Variants in NEGR1 observed in about 807,000 individuals in gnomAD.
The protein encoded by NEGR1 is neuronal growth regulator 1, also known as IgLON family member 4.
In NEGR1, 10 loss-of-function variants were observed where a neutral mutation model predicts 40.9. The observed-to-expected ratio is 0.24, with a 90% CI of 0.15 to 0.42. The LOEUF (loss-of-function observed/expected upper bound fraction) is 0.42. NEGR1 is among the 10% of genes least tolerant of loss of function. NEGR1 has a pLI of 1.00. For missense variants in NEGR1, 352 were observed against 438.9 expected (o/e 0.80, Z 1.77); for synonymous variants, 185 against 166.8 (o/e 1.11, Z -0.84).
At chr1:72,057,751 G>C (rs1277506760) in intron 1 of NEGR1, among the ~76,000 whole-genome samples, 3 of 151,442 alleles carry the variant, frequency 2.0e-5, no homozygotes, top group Non-Finnish European at 4.4e-5. Flanking sequence ...TGCCAGCATG[G>C]TTGGTGTCTG....
At chr1:71,787,994 G>A (rs1217805280) in intron 2 of NEGR1, among the ~76,000 whole-genome samples, 1 of 152,166 alleles carries the variant, frequency 6.6e-6, no homozygotes, top group Non-Finnish European at 1.5e-5. Context: ...AACTGCCTTA[G>A]AAAGGCCTAG....
At chr1:72,113,854 CTT>C (rs938812345) in intron 1 of NEGR1, among the ~76,000 whole-genome samples, 10 of 151,670 alleles carry the variant, frequency 6.6e-5, no homozygotes, top group Non-Finnish European at 1.3e-4. Context: ...TAATTTAACT[CTT>C]GTGTGTGACG....
chr1:72,230,022 C>A (rs536983174), intron 1 of NEGR1, among the ~76,000 whole-genome samples: 2 of 152,206 alleles, frequency 1.3e-5, no homozygotes, highest in South Asian at 2.1e-4. Flanking sequence ...TCTCTGATTG[C>A]ACAGGATTTA....
At chr1:72,101,616 C>G (rs1648949745) in intron 1 of NEGR1, among the ~76,000 whole-genome samples, 3 of 151,874 alleles carry the variant, frequency 2.0e-5, no homozygotes. Flanking sequence ...ACTCAGAAGA[C>G]TGTAGACTTT....
intron 1 of NEGR1, among the ~76,000 whole-genome samples, chr1:72,273,602 G>A (rs1043716656): frequency 2.6e-5 from 4 of 151,500 alleles, no homozygotes; most frequent in South Asian, 2.1e-4. Flanking sequence ...ACACACACAC[G>A]CAAGTACACA....
At chr1:71,705,173 T>C (rs1222822015) in intron 3 of NEGR1, among the ~76,000 whole-genome samples, 1 of 152,188 alleles carries the variant, frequency 6.6e-6, no homozygotes, top group African/African-American at 2.4e-5. Flanking sequence ...AATGATGTTT[T>C]CTTACTAATA....
intron 4 of NEGR1, among the ~76,000 whole-genome samples, chr1:71,627,562 A>G (rs753513922): frequency 3.5e-4 from 53 of 151,986 alleles, no homozygotes; most frequent in Non-Finnish European, 5.1e-4. Context: ...TGTAACAATT[A>G]TTATCTATTT....
At chr1:71,811,529 T>C (rs2101762762) in intron 2 of NEGR1, among the ~76,000 whole-genome samples, 1 of 151,882 alleles carries the variant, frequency 6.6e-6, no homozygotes, top group Admixed American at 6.6e-5. Flanking sequence ...ATAGTACTTA[T>C]AATTTGAAAT....
chr1:71,540,979 A>C (rs1333497236), intron 6 of NEGR1, among the ~76,000 whole-genome samples: 2 of 151,466 alleles, frequency 1.3e-5, no homozygotes, highest in African/African-American at 4.8e-5. Context: ...TTTAGAAGAC[A>C]AGATCTCATG....
Position 71,404,254 on chromosome 1 carries a change from A to T in NEGR1, c.*3192T>A, listed in dbSNP as rs954808263. 2 of 151,654 alleles carry T rather than the reference A, an allele frequency of 1.3e-5. No homozygotes were observed. The highest frequency in any genetic ancestry group is 4.8e-5 in the African/African-American group (2 of 41,248). The allele number at this position is 151,654 out of a possible 1,614,324, so 9.4% of individuals were successfully genotyped here. On this transcript the variant is annotated 3_prime_UTR_variant, in exon 7 of 7. Transcript: ENST00000357731. The stretch of plus-strand genomic sequence containing the variant: ...GCTTAAATGTTATGATGAAGCATTA[A>T]TTTTTCAGTTAAGTTATAAACCCCC...
intron 1 of NEGR1, among the ~76,000 whole-genome samples, chr1:72,129,041 G>A (rs1323015752): frequency 6.6e-6 from 1 of 152,074 alleles, no homozygotes; most frequent in Non-Finnish European, 1.5e-5. Context: ...CTTGTTTTCA[G>A]GCCTGTGGAT....
At chr1:72,162,631 A>G (rs1475800523) in intron 1 of NEGR1, among the ~76,000 whole-genome samples, 1 of 152,174 alleles carries the variant, frequency 6.6e-6, no homozygotes, top group Non-Finnish European at 1.5e-5. Flanking sequence ...AGCCAAGAAA[A>G]CAGGGTTCCA....
chr1:72,013,604 A>G (rs1306402750), intron 1 of NEGR1, among the ~76,000 whole-genome samples: 1 of 152,118 alleles, frequency 6.6e-6, no homozygotes, highest in Non-Finnish European at 1.5e-5. Flanking sequence ...TGTAATATAA[A>G]TCAACTGTAA....
At position 71,405,998 on chromosome 1, in the gene NEGR1, T is replaced by C. The variant is rs1646275656; in HGVS notation, c.*1448A>G. Reference sequence around the variant, plus strand: ...AAAATGTAGTTTTGCTTCTTTATAGTAGAAATAATTTAACATTCACAATAA... The same window carrying C: ...AAAATGTAGTTTTGCTTCTTTATAGCAGAAATAATTTAACATTCACAATAA... On this transcript the variant is annotated 3_prime_UTR_variant, in exon 7 of 7. Coordinates refer to ENST00000357731, the MANE Select transcript of NEGR1 (RefSeq NM_173808.3). The C allele has an allele frequency of 6.6e-6, 1 of 152,332 alleles. No individual in the cohort carries two copies. Among genetic ancestry groups the C allele is most frequent in the Admixed American group, 6.6e-5 (1 of 15,214 alleles). The allele number at this position is 152,332 out of a possible 1,614,324, so 9.4% of individuals were successfully genotyped here.
chr1:72,142,404 C>A (rs1467188726), intron 1 of NEGR1, among the ~76,000 whole-genome samples: 1 of 151,808 alleles, frequency 6.6e-6, no homozygotes, highest in African/African-American at 2.4e-5. Flanking sequence ...GAATTTCATG[C>A]TACCAAAACA....
intron 6 of NEGR1, among the ~76,000 whole-genome samples, chr1:71,486,044 C>T (rs2101378133): frequency 6.6e-6 from 1 of 151,712 alleles, no homozygotes; most frequent in Middle Eastern, 3.4e-3. Flanking sequence ...GCATGTCTAC[C>T]AGGAATGAAT....
At chr1:71,585,976 T>G (rs1250486072) in intron 6 of NEGR1, among the ~76,000 whole-genome samples, 1 of 152,122 alleles carries the variant, frequency 6.6e-6, no homozygotes, top group Non-Finnish European at 1.5e-5. Context: ...TGTTTTAGAC[T>G]AGTAGTGTAT....
rs528786087 is a variant in NEGR1 at position 71,996,245 on chromosome 1, C to T, written c.177-60934G>A. On this transcript the variant is annotated intron_variant, in intron 1 of 6. Coordinates refer to ENST00000357731, the MANE Select transcript of NEGR1 (RefSeq NM_173808.3). ...TTTAGATAAAACATACTTTCTATCTCTTTATGTAATAAACAAATATACACA... is the reference window on the plus strand; with the variant it reads ...TTTAGATAAAACATACTTTCTATCTTTTTATGTAATAAACAAATATACACA... 6.6e-5 allele frequency among the ~76,000 whole-genome samples: 10 copies of T among 152,220 alleles called. 1 individual carries two copies. In the South Asian group the frequency reaches 2.1e-3, roughly 32 times the overall value.
chr1:71,786,849 GAAAACAAAAC>G (rs560141576), intron 2 of NEGR1, among the ~76,000 whole-genome samples: 7 of 152,268 alleles, frequency 4.6e-5, no homozygotes, highest in African/African-American at 1.7e-4. Flanking sequence ...TCCAAACTGG[GAAAACAAAAC>G]AAAACAAAAC....
Sources: gnomAD v4.1 joint callset for allele counts (sites outside exome capture counted in the v4.1 genomes callset) on GRCh38, gnomAD v4.1.1 for gene constraint, MANE v1.5 for transcripts, NCBI Gene and HGNC (gene_info 2026-07-23, HGNC 2026-07-21) for gene names.